The following BNC2 variants were observed in gnomAD, a reference collection of about 807,000 sequenced individuals.
BNC2 encodes zinc finger protein basonuclin-2.
In BNC2, 20 loss-of-function variants were observed where a neutral mutation model predicts 76.3. The ratio of observed to expected loss-of-function variants is 0.26; its 90% CI spans 0.18 to 0.38. The LOEUF is 0.38. Among genes scored for constraint, BNC2 ranks in the 10% least tolerant of loss-of-function variants. The pLI, the probability that BNC2 is intolerant of heterozygous loss-of-function variation, is 1.00. For missense variants in BNC2, 1,382 were observed against 1,399.8 expected, an observed-to-expected ratio of 0.99 and a Z score of 0.20; for synonymous variants, 582 against 514.8, an observed-to-expected ratio of 1.13 and a Z score of -1.77.
chr9:16,598,861 G>A (rs1390379352), intron 3 of BNC2, among the ~76,000 whole-genome samples: 1 of 152,132 alleles, frequency 6.6e-6, no homozygotes, highest in East Asian at 1.9e-4. Context: ...TAAATGAGAT[G>A]CTTTGCATTT....
intron 3 of BNC2, among the ~76,000 whole-genome samples, chr9:16,615,595 C>T (rs557650171): frequency 6.6e-6 from 1 of 152,258 alleles, no homozygotes; most frequent in African/African-American, 2.4e-5. Context: ...TTTGTCTTAT[C>T]ACATTTTTCC....
chr9:16,625,294 T>TG (rs1820963499), intron 3 of BNC2, among the ~76,000 whole-genome samples: 1 of 152,166 alleles, frequency 6.6e-6, no homozygotes, highest in South Asian at 2.1e-4. Context: ...GAAATAGTTG[T>TG]GGTAATTCAA....
chr9:16,476,863 C>A (rs916049078), intron 5 of BNC2, among the ~76,000 whole-genome samples: 3 of 152,058 alleles, frequency 2.0e-5, no homozygotes, highest in African/African-American at 7.2e-5. Flanking sequence ...CATAATGATG[C>A]AAGGGGTTTG....
intron 3 of BNC2, among the ~76,000 whole-genome samples, chr9:16,602,943 T>C (rs925338427): frequency 6.6e-6 from 1 of 152,242 alleles, no homozygotes; most frequent in Non-Finnish European, 1.5e-5. Flanking sequence ...ACTTTAGAAA[T>C]AGAAGATGCC....
intron 3 of BNC2, among the ~76,000 whole-genome samples, chr9:16,661,175 G>C (rs1822100662): frequency 6.6e-6 from 1 of 152,160 alleles, no homozygotes; most frequent in African/African-American, 2.4e-5. Context: ...GAGAAAGAAG[G>C]TGTGAGCCCT....
rs185336383 is a variant in BNC2, at chr9:16,523,881, G to A, written c.669+28649C>T. 2.0e-5 allele frequency among the ~76,000 whole-genome samples: 3 copies of A among 152,110 alleles called. No homozygotes were observed. The East Asian group carries it at 5.8e-4, about 30-fold the overall frequency. ...GCAGAGATTGCAGTGAACTGAGATC[G>A]TCCAGGAGGCAGAGATTGCAGTGAG... On this transcript the variant is annotated intron_variant, in intron 5 of 6. Transcript: ENST00000380672.
intron 4 of BNC2, chr9:16,579,726 C>A (rs1484136140): frequency 5.9e-6 from 1 of 170,732 alleles, no homozygotes; most frequent in Admixed American, 6.3e-5. Flanking sequence ...CAGAGACACA[C>A]ATATGTGCAT....
At chr9:16,704,003 G>C (rs187274106) in intron 3 of BNC2, among the ~76,000 whole-genome samples, 91 of 152,258 alleles carry the variant, frequency 6.0e-4, no homozygotes, top group African/African-American at 2.1e-3. Context: ...TGAAATTGAA[G>C]AGAAATGCAG....
chr9:16,702,436 G>A (rs1227068937), intron 3 of BNC2, among the ~76,000 whole-genome samples: 1 of 150,762 alleles, frequency 6.6e-6, no homozygotes, highest in East Asian at 2.0e-4. Context: ...TGGTAACACA[G>A]AAATGATAGC....
chr9:16,674,840 T>C (rs917064843), intron 3 of BNC2, among the ~76,000 whole-genome samples: 104 of 152,296 alleles, frequency 6.8e-4, no homozygotes, highest in African/African-American at 2.2e-3. Context: ...CAATGAACAG[T>C]AGAGATTTAC....
intron 1 of BNC2, among the ~76,000 whole-genome samples, chr9:16,835,630 A>C (rs2136053945): frequency 1.3e-5 from 2 of 152,332 alleles, no homozygotes; most frequent in East Asian, 3.9e-4. Context: ...TGAACCTGGG[A>C]GGCGGAGGTT....
intron 3 of BNC2, among the ~76,000 whole-genome samples, chr9:16,706,039 AAAGT>A (rs1417008942): frequency 6.6e-6 from 1 of 152,250 alleles, no homozygotes; most frequent in Non-Finnish European, 1.5e-5. Flanking sequence ...ACTATTTTAA[AAAGT>A]ATGTATACCA....
intron 1 of BNC2, among the ~76,000 whole-genome samples, chr9:16,825,488 T>C (rs916731269): frequency 6.6e-6 from 1 of 152,140 alleles, no homozygotes; most frequent in African/African-American, 2.4e-5. Context: ...TGCTTCTAGT[T>C]TACCAGTTCA....
chr9:16,489,072 T>A (rs376134022), intron 5 of BNC2, among the ~76,000 whole-genome samples: 47 of 152,308 alleles, frequency 3.1e-4, no homozygotes, highest in African/African-American at 1.0e-3. Context: ...CAGTAGTAAT[T>A]TTAAGCTTCT....
At chr9:16,500,181 C>T (rs1489672195) in intron 5 of BNC2, among the ~76,000 whole-genome samples, 2 of 151,996 alleles carry the variant, frequency 1.3e-5, no homozygotes, top group African/African-American at 2.4e-5. Context: ...TACCCCTTTT[C>T]AAGACTATTC....
chr9:16,621,079 G>A (rs561776274), intron 3 of BNC2, among the ~76,000 whole-genome samples: 7 of 152,300 alleles, frequency 4.6e-5, no homozygotes, highest in Admixed American at 1.3e-4. Context: ...TGTCCAGGCC[G>A]TAAGTAATGT....
rs1056127722 is a variant in BNC2, at chr9:16,417,989, G to T, written c.*1000C>A. The T allele has an allele frequency of 6.6e-6, 1 of 152,600 alleles. No individual in the cohort carries two copies. The highest frequency in any genetic ancestry group is 2.4e-5 in the African/African-American group (1 of 41,448). The allele number at this position is 152,600 out of a possible 1,614,324, so 9.5% of individuals were successfully genotyped here. On this transcript the variant is annotated 3_prime_UTR_variant, in exon 7 of 7. Transcript: ENST00000380672. ...TGTATTTTCTTTTCTGGAAACTTGT[G>T]CAAAGTTGGCAGTTTTGTGTTAACA...
At chr9:16,657,406 G>C (rs759453784) in intron 3 of BNC2, among the ~76,000 whole-genome samples, 2 of 152,180 alleles carry the variant, frequency 1.3e-5, no homozygotes, top group Admixed American at 6.5e-5. Flanking sequence ...AAACAGAAAC[G>C]CTTCTACAAT....
At chr9:16,658,580 A>T (rs1587282502) in intron 3 of BNC2, among the ~76,000 whole-genome samples, 2 of 152,172 alleles carry the variant, frequency 1.3e-5, no homozygotes, top group South Asian at 4.1e-4. Flanking sequence ...TAGAGGGAAC[A>T]GTTCCAATGT....
Sources: gnomAD v4.1 joint callset for allele counts (sites outside exome capture counted in the v4.1 genomes callset) on GRCh38, gnomAD v4.1.1 for gene constraint, MANE v1.5 for transcripts, NCBI Gene and HGNC (gene_info 2026-07-23, HGNC 2026-07-21) for gene names.